The following LOXHD1 variants were observed in gnomAD, a reference collection of about 807,000 sequenced individuals.
LOXHD1 encodes the protein lipoxygenase homology domain-containing protein 1.
A neutral mutation model predicts 248.2 loss-of-function variants in LOXHD1; 205 were observed. That is an observed-to-expected ratio of 0.83 (90% CI 0.74 to 0.93). The LOEUF is 0.93. LOXHD1 is among the 40% of genes least tolerant of loss of function. The pLI is 0.00. For synonymous variants in LOXHD1, 1,113 were observed against 1,162.8 expected (o/e 0.96, Z 0.87); for missense variants, 2,930 against 2,971.6 (o/e 0.99, Z 0.33).
At position 46,560,410 on chromosome 18, in the gene LOXHD1, C is replaced by T. The variant is rs1294416324; in HGVS notation, c.2734G>A (p.Glu912Lys). Residue 912 changes from glutamate to lysine, a missense_variant, in exon 19 of 41, where the codon GAG (glutamate) becomes AAG (lysine). Transcript: ENST00000642948. ...TTCTCCTTCTTCTTCCGGGCCTCCT[C>T]CTCCGGCGTGAGGTCCACCTCCCGC... ...VVREVDLTPE[E>K]EARKKKEKDK... The T allele has an allele frequency of 2.6e-6, 4 of 1,549,430 alleles. No individual in the cohort carries two copies. Among genetic ancestry groups the T allele is most frequent in the South Asian group, 1.2e-5 (1 of 84,098 alleles).
At chr18:46,545,266 T>A (rs1402719580) in intron 23 of LOXHD1, 51 bp downstream of exon 23, 2 of 1,351,892 alleles carry the variant, frequency 1.5e-6, no homozygotes, top group Non-Finnish European at 2.1e-6. Context: ...AGTCTTCTGG[T>A]CTCCCTGGGG....
chr18:46,581,999 A>G (rs1382858757), intron 12 of LOXHD1, among the ~76,000 whole-genome samples: 4 of 152,234 alleles, frequency 2.6e-5, no homozygotes, highest in Admixed American at 6.5e-5. Flanking sequence ...ATAAAATACT[A>G]CAAGAATTAA....
At position 46,563,957 on chromosome 18, in the gene LOXHD1, A is replaced by G. The variant is rs571963361; in HGVS notation, c.2438-732T>C. Among the ~76,000 whole-genome samples the G allele has an allele frequency of 5.3e-5, 8 of 152,360 alleles. No homozygotes were observed. The East Asian group carries it at 1.5e-3, about 29-fold the overall frequency. Reference sequence around the variant, plus strand: ...ATCGAAAAAGGAGACTCACTCCAGAAAAAACAAGCTCTACAAAAGACGAAA... The same window carrying G: ...ATCGAAAAAGGAGACTCACTCCAGAGAAAACAAGCTCTACAAAAGACGAAA... On this transcript the variant is annotated intron_variant, in intron 17 of 40. Transcript: ENST00000642948.
intron 1 of LOXHD1, among the ~76,000 whole-genome samples, chr18:46,652,272 C>T (rs2039121385): frequency 6.6e-6 from 1 of 152,088 alleles, no homozygotes; most frequent in Non-Finnish European, 1.5e-5. Flanking sequence ...CCTTGAGGGC[C>T]AATTTAAATG....
chr18:46,583,385 T>C (rs1402510574), intron 12 of LOXHD1, among the ~76,000 whole-genome samples: 1 of 152,092 alleles, frequency 6.6e-6, no homozygotes, highest in Non-Finnish European at 1.5e-5. Flanking sequence ...AGAATGAAGA[T>C]ACAACATACA....
rs2032085859 is a variant in LOXHD1, at chr18:46,477,369, C to T, written c.*103G>A. 2.7e-6 allele frequency: 4 copies of T among 1,485,970 alleles called. No homozygotes were observed. Among genetic ancestry groups the T allele is most frequent in the Non-Finnish European group, 3.6e-6 (4 of 1,096,144 alleles). 92.0% of individuals were successfully genotyped at this position (1,485,970 alleles called of 1,614,324 possible). Reference sequence around the variant, plus strand: ...GAAGTTCTCAGTGGACTGCTAGCCCCCAGTGCCAATGCTAGAGGCTTTGAA... The same window carrying T: ...GAAGTTCTCAGTGGACTGCTAGCCCTCAGTGCCAATGCTAGAGGCTTTGAA... On this transcript the variant is annotated 3_prime_UTR_variant, in exon 41 of 41. Coordinates refer to ENST00000642948, the MANE Select transcript of LOXHD1 (RefSeq NM_001384474.1).
intron 21 of LOXHD1, among the ~76,000 whole-genome samples, chr18:46,552,254 A>G (rs918637324): frequency 6.6e-6 from 1 of 152,214 alleles, no homozygotes; most frequent in African/African-American, 2.4e-5. Flanking sequence ...GAGGCAGTAA[A>G]AAAACAAAAC....
intron 37 of LOXHD1, 136 bp from the exon 38 acceptor site, chr18:46,489,278 T>G: frequency 1.1e-6 from 1 of 911,536 alleles, no homozygotes; most frequent in East Asian, 2.7e-5. Context: ...ATCTCCTTGT[T>G]GATAAAGTGA....
At chr18:46,568,246 C>T (rs1157868923) in intron 16 of LOXHD1, among the ~76,000 whole-genome samples, 3 of 152,102 alleles carry the variant, frequency 2.0e-5, no homozygotes, top group Non-Finnish European at 4.4e-5. Context: ...CCAAGCCACA[C>T]CCTGGGAGCA....
intron 17 of LOXHD1, among the ~76,000 whole-genome samples, chr18:46,565,451 T>C (rs1246364925): frequency 1.3e-5 from 2 of 152,162 alleles, no homozygotes; most frequent in Non-Finnish European, 2.9e-5. Flanking sequence ...GTCTCCCCTG[T>C]GGAATATAAA....
intron 5 of LOXHD1, among the ~76,000 whole-genome samples, chr18:46,615,219 C>G (rs1293989739): frequency 6.6e-6 from 1 of 152,176 alleles, no homozygotes; most frequent in African/African-American, 2.4e-5. Flanking sequence ...CTATGGGACC[C>G]CAGCCCCAGG....
At chr18:46,495,017 C>CA in intron 37 of LOXHD1, among the ~76,000 whole-genome samples, 2 of 151,692 alleles carry the variant, frequency 1.3e-5, no homozygotes, top group African/African-American at 4.9e-5. Context: ...CTGCGCCCGG[C>CA]TTTTTTTGTT....
At chr18:46,609,305 T>C (rs1212662761) in intron 6 of LOXHD1, among the ~76,000 whole-genome samples, 1 of 152,232 alleles carries the variant, frequency 6.6e-6, no homozygotes, top group Non-Finnish European at 1.5e-5. Context: ...TTGGATTTCC[T>C]GGCTGAAGAA....
At chr18:46,506,975 T>C (rs2034614827) in intron 36 of LOXHD1, among the ~76,000 whole-genome samples, 1 of 152,186 alleles carries the variant, frequency 6.6e-6, no homozygotes, top group Non-Finnish European at 1.5e-5. Context: ...TGCTAATACT[T>C]TTGATTAGAA....
At chr18:46,611,410 C>T (rs1235920360) in intron 5 of LOXHD1, among the ~76,000 whole-genome samples, 2 of 152,196 alleles carry the variant, frequency 1.3e-5, no homozygotes, top group Non-Finnish European at 2.9e-5. Context: ...TTCCTCACCA[C>T]AATTCAAGAA....
chr18:46,591,825 G>A (rs544698308), intron 12 of LOXHD1, 108 bp downstream of exon 12: 1 of 1,371,916 alleles, frequency 7.3e-7, no homozygotes, highest in Admixed American at 2.1e-5. Flanking sequence ...ACTCTAAGGG[G>A]CCTGAAGATG....
At position 46,507,523 on chromosome 18, in the gene LOXHD1, G is replaced by A. The variant is rs1353609671; in HGVS notation, c.5692+15C>T. On this transcript the variant is annotated intron_variant, in intron 36 of 40. Transcript: ENST00000642948. ...GTGGTAAGGGAGCGGGAGGTGTGAG[G>A]GACCCCCGACCCACCCAGGATGTCG... The A allele has an allele frequency of 2.6e-6, 4 of 1,551,502 alleles. No individual in the cohort carries two copies. The highest frequency in any genetic ancestry group is 2.0e-5 in the Admixed American group (1 of 50,994).
chr18:46,579,892 A>C, intron 12 of LOXHD1, 108 bp from the exon 13 acceptor site: 6 of 1,333,894 alleles, frequency 4.5e-6, no homozygotes, highest in East Asian at 2.5e-5. Context: ...TCTAGTTCTC[A>C]TCTGGGCTGA....
intron 17 of LOXHD1, among the ~76,000 whole-genome samples, chr18:46,564,093 AGTGTGTGT>A (rs57471507): frequency 2.0e-5 from 3 of 149,030 alleles, no homozygotes; most frequent in Non-Finnish European, 3.0e-5. Context: ...GGAGAGAGAG[AGTGTGTGT>A]GTGTGTGTGT....
Sources: allele counts gnomAD v4.1 joint callset (sites outside exome capture counted in the v4.1 genomes callset), GRCh38; gene constraint gnomAD v4.1.1; transcripts MANE v1.5; gene names NCBI Gene and HGNC (gene_info 2026-07-23, HGNC 2026-07-21).